The following RUNDC3B variants were observed in gnomAD, a reference collection of about 807,000 sequenced individuals.
RUNDC3B encodes the protein RUN domain-containing protein 3B.
Under a neutral mutation model 58.4 loss-of-function variants are expected in RUNDC3B, and 33 were observed. That is an observed-to-expected ratio of 0.56 (90% CI 0.43 to 0.75). RUNDC3B has a LOEUF of 0.75. Among genes scored for constraint, RUNDC3B ranks in the 30% least tolerant of loss-of-function variants. The pLI is 0.00. For missense variants in RUNDC3B, 501 were observed against 535.7 expected (o/e 0.94, Z 0.64); for synonymous variants, 193 against 195.2 (o/e 0.99, Z 0.10).
At chr7:87,820,534 T>G (rs1194893366) in intron 10 of RUNDC3B, among the ~76,000 whole-genome samples, 2 of 152,162 alleles carry the variant, frequency 1.3e-5, no homozygotes, top group Non-Finnish European at 2.9e-5. Flanking sequence ...CCTAACTCAT[T>G]TTATGAGGCC....
intron 9 of RUNDC3B, among the ~76,000 whole-genome samples, chr7:87,809,857 A>C (rs774887272): frequency 1.3e-5 from 2 of 152,166 alleles, no homozygotes; most frequent in Non-Finnish European, 2.9e-5. Context: ...TCAAACTTTT[A>C]ATATAAGCCA....
intron 8 of RUNDC3B, among the ~76,000 whole-genome samples, chr7:87,780,728 T>G (rs1834878098): frequency 6.6e-6 from 1 of 152,198 alleles, no homozygotes; most frequent in African/African-American, 2.4e-5. Context: ...CACCACTTAT[T>G]GAATAGGGAG....
At chr7:87,742,610 A>AGATG (rs1832395558) in intron 6 of RUNDC3B, among the ~76,000 whole-genome samples, 1 of 151,990 alleles carries the variant, frequency 6.6e-6, no homozygotes, top group Admixed American at 6.5e-5. Flanking sequence ...ATAGATAGAT[A>AGATG]GATAGATAGA....
chr7:87,806,189 G>C (rs1836425071), intron 8 of RUNDC3B, among the ~76,000 whole-genome samples: 1 of 152,118 alleles, frequency 6.6e-6, no homozygotes, highest in Non-Finnish European at 1.5e-5. Flanking sequence ...AGTGGAACAA[G>C]TATTTTTCAG....
At chr7:87,644,929 A>G (rs1016389056) in intron 1 of RUNDC3B, among the ~76,000 whole-genome samples, 1 of 152,036 alleles carries the variant, frequency 6.6e-6, no homozygotes, top group Non-Finnish European at 1.5e-5. Context: ...AAATCTATGA[A>G]CTATGGAAGG....
intron 2 of RUNDC3B, among the ~76,000 whole-genome samples, chr7:87,690,938 G>A (rs542428088): frequency 6.6e-6 from 1 of 152,144 alleles, no homozygotes; most frequent in East Asian, 1.9e-4. Flanking sequence ...TATATGCAGA[G>A]AGAGAGAGAG....
chr7:87,763,081 T>G (rs1833786534), intron 6 of RUNDC3B, among the ~76,000 whole-genome samples: 1 of 151,554 alleles, frequency 6.6e-6, no homozygotes, highest in African/African-American at 2.4e-5. Flanking sequence ...AGTTTAAAAG[T>G]TATGCACATA....
chr7:87,758,222 C>G (rs1479232269), intron 6 of RUNDC3B, among the ~76,000 whole-genome samples: 1 of 152,016 alleles, frequency 6.6e-6, no homozygotes, highest in Non-Finnish European at 1.5e-5. Flanking sequence ...CTTGGAAGGC[C>G]AAGGTGGGAG....
intron 8 of RUNDC3B, among the ~76,000 whole-genome samples, chr7:87,785,095 G>C (rs993179211): frequency 6.6e-6 from 1 of 152,028 alleles, no homozygotes; most frequent in African/African-American, 2.4e-5. Context: ...TGTGGTGCCT[G>C]CAGCCCAGGG....
chr7:87,690,428 T>A (rs1262018226), intron 2 of RUNDC3B, among the ~76,000 whole-genome samples: 1 of 152,188 alleles, frequency 6.6e-6, no homozygotes, highest in Non-Finnish European at 1.5e-5. Context: ...CTCAGTATTT[T>A]AAAAATTATT....
intron 2 of RUNDC3B, among the ~76,000 whole-genome samples, chr7:87,692,085 A>G (rs1404352277): frequency 6.6e-6 from 1 of 152,192 alleles, no homozygotes; most frequent in Non-Finnish European, 1.5e-5. Flanking sequence ...AAATTTTCCC[A>G]TGGTCTTTCA....
At chr7:87,629,113 G>C in intron 1 of RUNDC3B, 168 bp downstream of exon 1, 1 of 549,604 alleles carries the variant, frequency 1.8e-6, no homozygotes, top group Non-Finnish European at 2.8e-6. Flanking sequence ...CAGGGGCCCG[G>C]GTCTGGACAC....
At chr7:87,705,528 C>T (rs1829505679) in intron 3 of RUNDC3B, among the ~76,000 whole-genome samples, 1 of 152,124 alleles carries the variant, frequency 6.6e-6, no homozygotes, top group Non-Finnish European at 1.5e-5. Flanking sequence ...TTAAACATAG[C>T]CTAACAATAG....
chr7:87,639,437 T>C (rs1227711452), intron 1 of RUNDC3B, among the ~76,000 whole-genome samples: 1 of 152,224 alleles, frequency 6.6e-6, no homozygotes, highest in Non-Finnish European at 1.5e-5. Flanking sequence ...GTTCATGTCC[T>C]CTGTATTCTT....
intron 4 of RUNDC3B, among the ~76,000 whole-genome samples, chr7:87,736,222 C>T (rs1249122588): frequency 6.6e-6 from 1 of 152,162 alleles, no homozygotes; most frequent in South Asian, 2.1e-4. Context: ...CAAGCTTTCT[C>T]ATATTTTAAT....
chr7:87,717,164 A>G, intron 4 of RUNDC3B, among the ~76,000 whole-genome samples: 1 of 152,264 alleles, frequency 6.6e-6, no homozygotes, highest in Non-Finnish European at 1.5e-5. Context: ...ACAATCCAAA[A>G]GTGTTTTTTA....
At chr7:87,716,223 C>T (rs952476872) in intron 4 of RUNDC3B, among the ~76,000 whole-genome samples, 9 of 152,148 alleles carry the variant, frequency 5.9e-5, no homozygotes, top group African/African-American at 1.7e-4. Context: ...TGACATGACT[C>T]CTGTCACTGT....
At chr7:87,794,269 T>C (rs527524117) in intron 8 of RUNDC3B, among the ~76,000 whole-genome samples, 5 of 152,256 alleles carry the variant, frequency 3.3e-5, no homozygotes, top group African/African-American at 1.2e-4. Flanking sequence ...ACCCCATCTC[T>C]ACTAAAAATA....
intron 6 of RUNDC3B, among the ~76,000 whole-genome samples, chr7:87,750,992 C>G (rs538374258): frequency 1.3e-5 from 2 of 152,310 alleles, no homozygotes; most frequent in South Asian, 4.1e-4. Flanking sequence ...AGGTTTTCTT[C>G]TAGGGTTTTT....
Sources: allele counts gnomAD v4.1 joint callset (sites outside exome capture counted in the v4.1 genomes callset), GRCh38; gene constraint gnomAD v4.1.1; transcripts MANE v1.5; gene names NCBI Gene and HGNC (gene_info 2026-07-23, HGNC 2026-07-21).